SORL1: variants seen among roughly 807,000 people sequenced by gnomAD.
SORL1 encodes the protein sortilin related receptor 1.
SORL1 carries 127 observed loss-of-function variants against 273.7 expected under a neutral mutation model. The observed-to-expected ratio is 0.46, with a 90% CI of 0.40 to 0.54. The LOEUF (loss-of-function observed/expected upper bound fraction) is 0.54. SORL1 is among the 20% of genes least tolerant of loss of function. SORL1 has a pLI of 0.00. For missense variants in SORL1, 2,494 were observed against 2,846.1 expected (o/e 0.88, Z 2.81); for synonymous variants, 1,031 against 1,067.4 (o/e 0.97, Z 0.66).
intron 6 of SORL1, among the ~76,000 whole-genome samples, chr11:121,503,011 C>A (rs1294293278): frequency 2.6e-5 from 4 of 152,058 alleles, no homozygotes; most frequent in Non-Finnish European, 5.9e-5. Flanking sequence ...GCTGGGACCA[C>A]AGGCATGTGC....
chr11:121,576,866 C>T (rs1001374561), intron 24 of SORL1: 29 of 1,535,576 alleles, frequency 1.9e-5, no homozygotes, highest in Non-Finnish European at 2.4e-5. Context: ...CCTCTCGGCA[C>T]TCCTTTTCTC....
At chr11:121,616,768 A>G (rs560621042) in intron 41 of SORL1, among the ~76,000 whole-genome samples, 1 of 152,340 alleles carries the variant, frequency 6.6e-6, no homozygotes, top group African/African-American at 2.4e-5. Context: ...TGTAAAATAT[A>G]TGAAAAGATT....
At chr11:121,472,228 G>A (rs1861181292) in intron 2 of SORL1, among the ~76,000 whole-genome samples, 1 of 152,172 alleles carries the variant, frequency 6.6e-6, no homozygotes, top group Non-Finnish European at 1.5e-5. Flanking sequence ...CCCTGCCCAT[G>A]GGCATATCCC....
chr11:121,520,577 T>C, intron 8 of SORL1, 80 bp from the exon 9 acceptor site: 7 of 1,028,700 alleles, frequency 6.8e-6, no homozygotes, highest in Non-Finnish European at 9.8e-6. Flanking sequence ...TGTATACTTT[T>C]AAATGGTCAA....
At chr11:121,600,589 A>C (rs968027173) in intron 32 of SORL1, among the ~76,000 whole-genome samples, 1 of 152,230 alleles carries the variant, frequency 6.6e-6, no homozygotes, top group African/African-American at 2.4e-5. Context: ...ATTAATTGGC[A>C]TTCTTTAAAT....
intron 38 of SORL1, chr11:121,609,247 A>G (rs1049143424): frequency 2.6e-5 from 4 of 152,192 alleles, no homozygotes; most frequent in Non-Finnish European, 2.9e-5. Flanking sequence ...GAGAGTCACT[A>G]TCTAGTCCCC....
intron 11 of SORL1, among the ~76,000 whole-genome samples, chr11:121,526,591 A>G (rs1237958552): frequency 6.6e-6 from 1 of 152,102 alleles, no homozygotes; most frequent in Non-Finnish European, 1.5e-5. Context: ...TGATCCATGA[A>G]TGTAGTATCT....
At chr11:121,544,921 T>A (rs1862402853) in intron 13 of SORL1, among the ~76,000 whole-genome samples, 3 of 152,228 alleles carry the variant, frequency 2.0e-5, no homozygotes, top group African/African-American at 7.2e-5. Flanking sequence ...TGTTCCCTAG[T>A]TCTCTAGGAG....
At position 121,522,551 on chromosome 11, in the gene SORL1, A is replaced by T. The variant is rs538247288; in HGVS notation, c.1405-35A>T. 7 of 1,457,106 alleles carry T rather than the reference A, an allele frequency of 4.8e-6. No homozygotes were observed. The African/African-American group carries it at 7.0e-5, about 14-fold the overall frequency. The allele number at this position is 1,457,106 out of a possible 1,614,324, so 90.3% of individuals were successfully genotyped here. On this transcript the variant is annotated intron_variant, in intron 9 of 47. Coordinates refer to ENST00000260197, the MANE Select transcript of SORL1 (RefSeq NM_003105.6). ...TACAGGGAACGCTAGGCATGGTATC[A>T]TGTGCTGACACTGCCTGAAACTTTG... is the stretch of plus-strand genomic sequence containing the variant.
chr11:121,609,740 A>T (rs1162154268), intron 38 of SORL1: 1 of 152,208 alleles, frequency 6.6e-6, no homozygotes, highest in Non-Finnish European at 1.5e-5. Context: ...TTAATTGGTG[A>T]ATGTAGTGGA....
rs1266157632 is a variant in SORL1 at position 121,622,147 on chromosome 11, A to G, written c.6065-15A>G. ...ATATCCACTAACCGCATCCCATCTC[A>G]TCTTTAATTTTCAGTTTCATTATCA... On this transcript the variant is annotated splice_polypyrimidine_tract_variant and intron_variant, in intron 44 of 47. Coordinates refer to ENST00000260197, the MANE Select transcript of SORL1 (RefSeq NM_003105.6). 1.4e-6 allele frequency: 2 copies of G among 1,419,860 alleles called. No homozygotes were observed. Among genetic ancestry groups the G allele is most frequent in the East Asian group, 2.3e-5 (1 of 43,978 alleles). 88.0% of individuals were successfully genotyped at this position (1,419,860 alleles called of 1,614,324 possible). A position where few individuals can be genotyped will look rare whatever the true frequency, so the allele number is the denominator to read the frequency against.
intron 3 of SORL1, among the ~76,000 whole-genome samples, chr11:121,483,594 G>C (rs1339473309): frequency 1.3e-5 from 2 of 152,158 alleles, no homozygotes; most frequent in South Asian, 2.1e-4. Flanking sequence ...ACTGCAAACA[G>C]GGTTGGAGAG....
At chr11:121,600,988 T>A (rs1863380102) in intron 32 of SORL1, among the ~76,000 whole-genome samples, 1 of 152,012 alleles carries the variant, frequency 6.6e-6, no homozygotes, top group Non-Finnish European at 1.5e-5. Flanking sequence ...GCTAGTGTGC[T>A]GCACCCACTA....
intron 6 of SORL1, among the ~76,000 whole-genome samples, chr11:121,510,108 A>G (rs1861854082): frequency 1.3e-5 from 2 of 152,268 alleles, no homozygotes; most frequent in African/African-American, 2.4e-5. Context: ...GTGCCCACCA[A>G]TAGCTGTTAA....
chr11:121,472,655 G>C (rs1261375802), intron 2 of SORL1, among the ~76,000 whole-genome samples: 1 of 152,178 alleles, frequency 6.6e-6, no homozygotes, highest in Non-Finnish European at 1.5e-5. Context: ...ATATTTGGGT[G>C]TGTCTAACTA....
At chr11:121,592,358 A>T (rs914784851) in intron 31 of SORL1, among the ~76,000 whole-genome samples, 1 of 152,206 alleles carries the variant, frequency 6.6e-6, no homozygotes, top group Non-Finnish European at 1.5e-5. Flanking sequence ...GGGTGTTTAT[A>T]AAAAAATGTA....
At chr11:121,565,575 T>C (rs1206384211) in intron 21 of SORL1, among the ~76,000 whole-genome samples, 1 of 152,204 alleles carries the variant, frequency 6.6e-6, no homozygotes, top group Non-Finnish European at 1.5e-5. Context: ...GGCATCTCTG[T>C]CCATGACATA....
chr11:121,622,138 T>C (rs1013402921), intron 44 of SORL1, 24 bp from the exon 45 acceptor site: 10 of 1,287,080 alleles, frequency 7.8e-6, no homozygotes, highest in Non-Finnish European at 1.1e-5. Context: ...ACTAACCGCA[T>C]CCCATCTCAT....
chr11:121,470,070 A>G lies in SORL1; in HGVS notation c.349A>G (p.Ile117Val). ...CTGGGCTGGAGAGAAAAGCAACGTGATCGTGGCCTTGGCCCGAGATAGCCT... is the reference window on the plus strand; with the variant it reads ...CTGGGCTGGAGAGAAAAGCAACGTGGTCGTGGCCTTGGCCCGAGATAGCCT... Reference protein sequence around the residue: ...VHWAGEKSNVIVALARDSLAL... With the variant: ...VHWAGEKSNVVVALARDSLAL... Residue 117 changes from isoleucine (I) to valine (V), a missense_variant, in exon 2 of 48, where the codon ATC becomes GTC. Around this residue, in one of 3 missense-constraint regions of SORL1, gnomAD observed 710 missense variants for 882.5 expected, o/e 0.80. Transcript: ENST00000260197. 6.2e-7 allele frequency: 1 copy of G among 1,614,176 alleles called. No homozygotes were observed. Among genetic ancestry groups the G allele is most frequent in the Non-Finnish European group, 8.5e-7 (1 of 1,180,012 alleles).
Sources: gnomAD v4.1 joint callset for allele counts (sites outside exome capture counted in the v4.1 genomes callset) on GRCh38, gnomAD v4.1.1 for gene constraint, gnomAD v4.1.1 regional missense constraint, MANE v1.5 for transcripts, NCBI Gene and HGNC (gene_info 2026-07-23, HGNC 2026-07-21) for gene names.